The following PVT1 variants were observed in gnomAD, a reference collection of about 807,000 sequenced individuals.
The protein encoded by PVT1 is Pvt1 oncogene.
chr8:127,960,552 G>T (rs1816627697), intron 3 of PVT1: 2 of 379,856 alleles, frequency 5.3e-6, no homozygotes, highest in Admixed American at 6.6e-5. Flanking sequence ...TGGGAGATAG[G>T]ATCTTTGTGG....
intron 3 of PVT1, among the ~76,000 whole-genome samples, chr8:127,986,456 A>C (rs1189362080): frequency 6.6e-6 from 1 of 152,172 alleles, no homozygotes; most frequent in Admixed American, 6.5e-5. Flanking sequence ...GACCTCAGTC[A>C]ACCACACAGC....
chr8:128,002,969 CTT>C (rs1294385292), intron 4 of PVT1, among the ~76,000 whole-genome samples: 16 of 8,616 alleles, frequency 1.9e-3, no homozygotes, highest in Middle Eastern at 0.071. Context: ...CTCCCTCCCT[CTT>C]CCTTCCTTCC....
At chr8:128,043,383 G>A (rs1381822725) in intron 4 of PVT1, among the ~76,000 whole-genome samples, 1 of 152,134 alleles carries the variant, frequency 6.6e-6, no homozygotes, top group Non-Finnish European at 1.5e-5. Context: ...AGGAGGTGAG[G>A]GAAGCTCTTT....
At chr8:127,872,942 G>A (rs1182669529) in intron 2 of PVT1, among the ~76,000 whole-genome samples, 2 of 152,176 alleles carry the variant, frequency 1.3e-5, no homozygotes, top group Admixed American at 1.3e-4. Flanking sequence ...GCAAAGTGAC[G>A]GGACAGCCCT....
chr8:128,010,051 A>C (rs888479427), intron 4 of PVT1: 15 of 152,322 alleles, frequency 9.8e-5, no homozygotes, highest in Middle Eastern at 3.4e-3. Context: ...AATTCTGCTG[A>C]GATACTGCTT....
rs74534301 is a variant in PVT1 at position 127,975,395 on chromosome 8, G to A, written n.783-13767G>A. Among the ~76,000 whole-genome samples, 691 of 152,216 alleles carry A rather than the reference G, an allele frequency of 4.5e-3. 8 individuals carry two copies. The highest frequency in any genetic ancestry group is 0.016 in the African/African-American group (669 of 41,512). On this transcript the variant is annotated intron_variant and non_coding_transcript_variant, in intron 3 of 10. Coordinates refer to ENST00000651587, the Ensembl canonical transcript of PVT1. ...AGATTTATATATTTTTTTATCCTTA[G>A]TGAGGCCAATTTTCTTTTTTGCCTC...
intron 2 of PVT1, among the ~76,000 whole-genome samples, chr8:127,835,699 T>C (rs1814902078): frequency 6.6e-6 from 1 of 152,168 alleles, no homozygotes; most frequent in Non-Finnish European, 1.5e-5. Context: ...GAGCAGCCTG[T>C]TCCTGTTGAT....
chr8:127,936,034 C>CTTTTTTTT (rs937905808), intron 3 of PVT1, among the ~76,000 whole-genome samples: 2 of 101,248 alleles, frequency 2.0e-5, no homozygotes, highest in African/African-American at 4.2e-5. Context: ...CTCTCTCTCT[C>CTTTTTTTT]TTTTTTTTTT....
At chr8:128,076,200 G>A (rs1014142317) in intron 5 of PVT1, among the ~76,000 whole-genome samples, 3 of 152,162 alleles carry the variant, frequency 2.0e-5, no homozygotes, top group African/African-American at 7.2e-5. Flanking sequence ...CTTCTCCCGG[G>A]ACGTTACTTC....
chr8:127,927,456 G>A (rs12543102), intron 3 of PVT1, among the ~76,000 whole-genome samples: 4,810 of 152,268 alleles, frequency 0.032, 106 homozygotes, highest in Non-Finnish European at 0.047. Flanking sequence ...CCCATTGTAA[G>A]CAACATTTAA....
At position 128,067,210 on chromosome 8, in the gene PVT1, A is replaced by G. The variant is rs180785052; in HGVS notation, n.913-2950A>G. Among the ~76,000 whole-genome samples the G allele has an allele frequency of 2.0e-5, 3 of 152,230 alleles. No homozygotes were observed. The East Asian group carries it at 5.8e-4, about 29-fold the overall frequency. On this transcript the variant is annotated intron_variant and non_coding_transcript_variant, in intron 4 of 10. Coordinates refer to ENST00000651587, the Ensembl canonical transcript of PVT1. ...TCTCGACTCCCTAACTCGGTTATAC[A>G]CTCAAGGAATGGCCTGGGTTTTGCA...
chr8:127,829,404 G>A (rs557074966), intron 2 of PVT1, among the ~76,000 whole-genome samples: 7 of 152,192 alleles, frequency 4.6e-5, no homozygotes, highest in Admixed American at 2.0e-4. Flanking sequence ...CTTTAAGTTT[G>A]TTCTTGAAAT....
In PVT1 at chr8:127,993,337, C is replaced by T. The variant is rs77261369; in HGVS notation, n.912+4046C>T. Among the ~76,000 whole-genome samples the T allele has an allele frequency of 6.6e-5, 10 of 152,342 alleles. 1 individual carries two copies. The South Asian group carries it at 1.7e-3, about 25-fold the overall frequency. ...AGGCCCAGTCGGGGAGCAGTGGCTGCGCCACCACCTGAAAACGAAAGCATT... is the reference window on the plus strand; with the variant it reads ...AGGCCCAGTCGGGGAGCAGTGGCTGTGCCACCACCTGAAAACGAAAGCATT... On this transcript the variant is annotated intron_variant and non_coding_transcript_variant, in intron 4 of 10. Coordinates refer to ENST00000651587, the Ensembl canonical transcript of PVT1.
chr8:127,996,855 CTGCTT>C (rs1342970562), intron 4 of PVT1, among the ~76,000 whole-genome samples: 1 of 151,998 alleles, frequency 6.6e-6, no homozygotes, highest in African/African-American at 2.4e-5. Context: ...ACCTGGCTCT[CTGCTT>C]TGCTGCTTGC....
intron 5 of PVT1, among the ~76,000 whole-genome samples, chr8:128,082,597 C>A (rs1401455274): frequency 2.6e-5 from 4 of 152,200 alleles, no homozygotes; most frequent in Non-Finnish European, 4.4e-5. Flanking sequence ...ACTCTTATCC[C>A]AACCTGGTGA....
chr8:127,884,303 C>T (rs1002806401), intron 2 of PVT1, among the ~76,000 whole-genome samples: 37 of 152,172 alleles, frequency 2.4e-4, no homozygotes, highest in Non-Finnish European at 8.8e-5. Flanking sequence ...TCATGTGGTA[C>T]GTGCATTTTC....
intron 5 of PVT1, among the ~76,000 whole-genome samples, chr8:128,071,511 A>G (rs917954091): frequency 1.3e-5 from 2 of 151,278 alleles, no homozygotes; most frequent in Non-Finnish European, 2.9e-5. Flanking sequence ...GGAGACCCCC[A>G]TCTCTATAAA....
chr8:127,963,256 C>T (rs1354979765), intron 3 of PVT1, among the ~76,000 whole-genome samples: 1 of 152,230 alleles, frequency 6.6e-6, no homozygotes, highest in Admixed American at 6.5e-5. Context: ...CGGCCACTTG[C>T]CACCATGTTG....
chr8:127,982,681 A>T (rs577036929), intron 3 of PVT1, among the ~76,000 whole-genome samples: 29 of 128,502 alleles, frequency 2.3e-4, no homozygotes, highest in Middle Eastern at 3.6e-3. Flanking sequence ...TTAATTAATA[A>T]AATAAATGAA....
Sources: gnomAD v4.1 joint callset for allele counts (sites outside exome capture counted in the v4.1 genomes callset) on GRCh38, gnomAD v4.1.1 for gene constraint, MANE v1.5 for transcripts, NCBI Gene and HGNC (gene_info 2026-07-23, HGNC 2026-07-21) for gene names.